The following BEGAIN variants were observed in gnomAD, a reference collection of about 807,000 sequenced individuals.
BEGAIN encodes brain enriched guanylate kinase associated, also known as brain-enriched guanylate kinase-associated protein.
In BEGAIN, 19 loss-of-function variants were observed where a neutral mutation model predicts 35.8. The observed-to-expected ratio is 0.53, with a 90% CI of 0.37 to 0.78. The LOEUF is 0.78. Ranked by LOEUF, BEGAIN falls within the 30% of genes least tolerant of loss-of-function variation. BEGAIN has a pLI of 0.00. For missense variants in BEGAIN, 795 were observed against 853.6 expected (o/e 0.93, Z 0.85); for synonymous variants, 462 against 388.6 (o/e 1.19, Z -2.22).
At chr14:100,579,536 G>A (rs982894696) in intron 1 of BEGAIN, among the ~76,000 whole-genome samples, 2 of 152,212 alleles carry the variant, frequency 1.3e-5, no homozygotes, top group African/African-American at 4.8e-5. Context: ...TGGCCTGGTG[G>A]GCATTACCAC....
At chr14:100,580,710 CTGTG>C (rs907777185) in intron 1 of BEGAIN, among the ~76,000 whole-genome samples, 1 of 152,164 alleles carries the variant, frequency 6.6e-6, no homozygotes, top group Non-Finnish European at 1.5e-5. Context: ...TATTTATTAT[CTGTG>C]TGTGTGTCCC....
chr14:100,554,719 C>T (rs1007565763), intron 2 of BEGAIN, among the ~76,000 whole-genome samples: 4 of 152,244 alleles, frequency 2.6e-5, no homozygotes, highest in African/African-American at 9.6e-5. Flanking sequence ...GCCCCCAAAA[C>T]TGTAGTTCCC....
At position 100,568,298 on chromosome 14, in the gene BEGAIN, C is replaced by T; in HGVS notation, c.43-359G>A. On this transcript the variant is annotated intron_variant, in intron 1 of 6. Transcript: ENST00000554140. The surrounding 1 kb of genome is among the most constrained non-coding windows in gnomAD (Gnocchi z 7.5). ...CCCGTTAACTCTCCGGCGGCCGCGG[C>T]CCCGCTGCTCCCCCCGCCCCGCCCG... is the stretch of plus-strand genomic sequence containing the variant. 1.3e-6 allele frequency: 1 copy of T among 753,364 alleles called. No homozygotes were observed. Among genetic ancestry groups the T allele is most frequent in the African/African-American group, 1.8e-5 (1 of 54,138 alleles). 46.7% of individuals were successfully genotyped at this position (753,364 alleles called of 1,614,324 possible).
At chr14:100,583,069 T>C (rs7145610) in intron 1 of BEGAIN, among the ~76,000 whole-genome samples, 40,605 of 150,272 alleles carry the variant, frequency 0.27, 5,986 homozygotes, top group African/African-American at 0.38. Context: ...CAACACATCC[T>C]TCTGTCTCTG....
chr14:100,577,594 C>T (rs138311064), intron 1 of BEGAIN: 103 of 399,068 alleles, frequency 2.6e-4, no homozygotes, highest in African/African-American at 1.8e-3. Flanking sequence ...GTCCAGAACC[C>T]GCACAGTGAC....
chr14:100,550,354 C>G, intron 2 of BEGAIN: 1 of 398,830 alleles, frequency 2.5e-6, no homozygotes, highest in Non-Finnish European at 4.4e-6. Context: ...GACACAGACA[C>G]GGGACAGATG....
chr14:100,551,965 G>C (rs2033248602), intron 2 of BEGAIN, among the ~76,000 whole-genome samples: 1 of 152,324 alleles, frequency 6.6e-6, no homozygotes, highest in African/African-American at 2.4e-5. Flanking sequence ...CCCCGGTGCT[G>C]CTGAGCGAAC....
rs1211742281 is a variant in BEGAIN at position 100,538,261 on chromosome 14, C to A, written c.1547G>T (p.Gly516Val). The change falls in exon 7 of 7, where the codon GGC becomes GTC. Residue 516 changes from glycine (G) to valine (V), a missense_variant. Gly to Val is a moderately radical substitution (Grantham distance 109, BLOSUM62 -3). Around this residue, in one of 3 missense-constraint regions of BEGAIN, gnomAD observed 664 missense variants for 647.7 expected, o/e 1.03. Transcript: ENST00000554140. ...LAEPCFLRAG[G>V]DLSLSPGRSA... ...GCGGCCGGGACTGAGGCTCAGGTCGCCGCCCGCCCGCAGGAAGCAGGGCTC... is the reference window on the plus strand; with the variant it reads ...GCGGCCGGGACTGAGGCTCAGGTCGACGCCCGCCCGCAGGAAGCAGGGCTC... 6.4e-7 allele frequency: 1 copy of A among 1,562,874 alleles called. No individual in the cohort carries two copies. The highest frequency in any genetic ancestry group is 1.4e-5 in the African/African-American group (1 of 73,292).
intron 1 of BEGAIN, among the ~76,000 whole-genome samples, chr14:100,583,019 CCT>C (rs1174342842): frequency 2.0e-5 from 3 of 150,584 alleles, no homozygotes; most frequent in East Asian, 1.9e-4. Flanking sequence ...ACCATCCACC[CCT>C]GTGACCGCTC....
chr14:100,550,008 G>A (rs999617393), intron 2 of BEGAIN: 2 of 156,508 alleles, frequency 1.3e-5, no homozygotes, highest in Non-Finnish European at 2.8e-5. Context: ...TTGCTGCCTG[G>A]TGAGTTACAC....
intron 5 of BEGAIN, among the ~76,000 whole-genome samples, chr14:100,543,090 G>A (rs2031871687): frequency 1.3e-5 from 2 of 152,174 alleles, no homozygotes; most frequent in African/African-American, 2.4e-5. Context: ...CTTCTCCCAC[G>A]GATGTCTGCA....
intron 2 of BEGAIN, among the ~76,000 whole-genome samples, chr14:100,552,813 C>A (rs1260692594): frequency 2.0e-5 from 3 of 152,234 alleles, no homozygotes; most frequent in African/African-American, 7.2e-5. Flanking sequence ...GAACCACGTT[C>A]CTGCTCCTAC....
At chr14:100,561,010 C>T (rs1181116862) in intron 2 of BEGAIN, among the ~76,000 whole-genome samples, 4 of 146,924 alleles carry the variant, frequency 2.7e-5, no homozygotes, top group Admixed American at 6.8e-5. Flanking sequence ...CTCCAGCCCT[C>T]GGAAGGATTT....
chr14:100,546,661 C>T lies in BEGAIN; in HGVS notation c.73G>A (p.Ala25Thr), dbSNP rs775550406. The T allele has an allele frequency of 6.4e-7, 1 of 1,561,554 alleles. No homozygotes were observed. Residue 25 changes from alanine to threonine, a missense_variant and splice_region_variant, in exon 3 of 7, where the codon GCG becomes ACG. Physicochemically the swap from Ala to Thr is moderately conservative, Grantham distance 58 (BLOSUM62 0). Transcript: ENST00000554140. ...AGCTCGCCCTTCTGCTCCTGCAGCG[C>T]GCTGCAACGACATGGCGGCGGCGGG... ...ASAADMEKLS[A>T]LQEQKGELRK...
At chr14:100,577,290 A>G in intron 1 of BEGAIN, 1 of 398,628 alleles carries the variant, frequency 2.5e-6, no homozygotes, top group Non-Finnish European at 4.4e-6. Flanking sequence ...GAGGGAAGAG[A>G]CCTCTGGGGT....
intron 2 of BEGAIN, among the ~76,000 whole-genome samples, chr14:100,553,497 G>A (rs2033403455): frequency 2.6e-5 from 4 of 151,988 alleles, no homozygotes; most frequent in Admixed American, 2.6e-4. Context: ...GCCTCTTCTC[G>A]CCCCTGCTAA....
At chr14:100,583,639 TTTC>T (rs1194236197) in intron 1 of BEGAIN, among the ~76,000 whole-genome samples, 1 of 151,794 alleles carries the variant, frequency 6.6e-6, no homozygotes, top group Non-Finnish European at 1.5e-5. Flanking sequence ...TCTCTCTTTC[TTTC>T]TTTCTTTTCT....
intron 2 of BEGAIN, chr14:100,549,295 G>A (rs1029791440): frequency 6.6e-6 from 1 of 152,428 alleles, no homozygotes; most frequent in South Asian, 2.1e-4. Flanking sequence ...CTCCAGCGGG[G>A]TGTCTGTCAG....
At chr14:100,547,393 T>TG (rs1331528916) in intron 2 of BEGAIN, 1 of 152,268 alleles carries the variant, frequency 6.6e-6, no homozygotes, top group Non-Finnish European at 1.5e-5. Context: ...TCCCCCAGAA[T>TG]GGGGTCTCCT....
Sources: gnomAD v4.1 joint callset for allele counts (sites outside exome capture counted in the v4.1 genomes callset) on GRCh38, gnomAD v4.1.1 for gene constraint, gnomAD v4.1.1 regional missense constraint, Gnocchi (gnomAD v3.1) non-coding constraint, MANE v1.5 for transcripts, NCBI Gene and HGNC (gene_info 2026-07-23, HGNC 2026-07-21) for gene names.